The following ENOX1 variants were observed in gnomAD, a reference collection of about 807,000 sequenced individuals.
ENOX1 encodes the protein candidate growth-related and time keeping constitutive hydroquinone (NADH) oxidase.
Under a neutral mutation model 82.5 loss-of-function variants are expected in ENOX1, and 42 were observed. The observed-to-expected ratio is 0.51, with a 90% CI of 0.40 to 0.66. The LOEUF is 0.66. Ranked by LOEUF, ENOX1 falls within the 30% of genes least tolerant of loss-of-function variation. The pLI is 0.00. For synonymous variants in ENOX1, 271 were observed against 282.2 expected, an observed-to-expected ratio of 0.96 and a Z score of 0.40; for missense variants, 608 against 811.6, an observed-to-expected ratio of 0.75 and a Z score of 3.05.
intron 5 of ENOX1, among the ~76,000 whole-genome samples, chr13:43,409,350 C>T (rs1429780490): frequency 6.6e-6 from 1 of 151,996 alleles, no homozygotes; most frequent in African/African-American, 2.4e-5. Flanking sequence ...ATAATTCTAA[C>T]AGCTAAAAAG....
At chr13:43,426,397 T>C (rs1306112724) in intron 3 of ENOX1, among the ~76,000 whole-genome samples, 1 of 152,220 alleles carries the variant, frequency 6.6e-6, no homozygotes. Context: ...TATATTGCTA[T>C]TGCTACGATG....
At chr13:43,335,930 G>A (rs538414233) in intron 9 of ENOX1, among the ~76,000 whole-genome samples, 16 of 152,246 alleles carry the variant, frequency 1.1e-4, no homozygotes, top group African/African-American at 3.9e-4. Flanking sequence ...TTTATTCCCT[G>A]AGACCAAAGA....
At chr13:43,302,626 C>G (rs1437050402) in intron 11 of ENOX1, among the ~76,000 whole-genome samples, 1 of 152,164 alleles carries the variant, frequency 6.6e-6, no homozygotes, top group Non-Finnish European at 1.5e-5. Context: ...AACGGCACTG[C>G]TGAAGAAAAG....
chr13:43,616,260 T>C (rs1253860102), intron 2 of ENOX1, among the ~76,000 whole-genome samples: 2 of 134,186 alleles, frequency 1.5e-5, no homozygotes, highest in Non-Finnish European at 3.2e-5. Flanking sequence ...TGGAGTGCAG[T>C]GGTGTGATCT....
chr13:43,597,352 G>T (rs1054886757), intron 2 of ENOX1, among the ~76,000 whole-genome samples: 1 of 152,168 alleles, frequency 6.6e-6, no homozygotes, highest in Non-Finnish European at 1.5e-5. Flanking sequence ...GCCACTGACA[G>T]GTGGGAATGG....
chr13:43,525,934 C>T (rs2077971152), intron 2 of ENOX1, among the ~76,000 whole-genome samples: 1 of 152,012 alleles, frequency 6.6e-6, no homozygotes, highest in Admixed American at 6.6e-5. Context: ...AGTGGGGTTA[C>T]TAAATAATTT....
At chr13:43,584,455 C>T (rs1214640394) in intron 2 of ENOX1, among the ~76,000 whole-genome samples, 3 of 152,174 alleles carry the variant, frequency 2.0e-5, no homozygotes, top group Admixed American at 1.3e-4. Flanking sequence ...GCAGGGTGAA[C>T]AGTCCTATCA....
chr13:43,557,287 GA>G (rs1404833342), intron 2 of ENOX1, among the ~76,000 whole-genome samples: 1 of 152,206 alleles, frequency 6.6e-6, no homozygotes, highest in African/African-American at 2.4e-5. Context: ...TGTATGGCCA[GA>G]AGGTGGTAGG....
chr13:43,652,794 T>C (rs1056013801), intron 2 of ENOX1, among the ~76,000 whole-genome samples: 33 of 152,158 alleles, frequency 2.2e-4, no homozygotes, highest in African/African-American at 7.5e-4. Context: ...GTAAGCAAGC[T>C]GAGTAGCCGG....
intron 9 of ENOX1, among the ~76,000 whole-genome samples, chr13:43,338,964 CGTGAGCCACCGTGCCCGGCCTCGGGT>C (rs1044087959): frequency 6.6e-6 from 1 of 152,156 alleles, no homozygotes; most frequent in Non-Finnish European, 1.5e-5. Flanking sequence ...GGATTACAGG[CGTGAGCCACCGTGCCCGGCCTCGGGT>C]TGGGTTTAAT....
intron 14 of ENOX1, among the ~76,000 whole-genome samples, chr13:43,245,514 AT>A (rs1430124354): frequency 1.3e-5 from 2 of 152,208 alleles, no homozygotes; most frequent in African/African-American, 2.4e-5. Flanking sequence ...AAGCTTTAGA[AT>A]TTTTTATGGT....
chr13:43,591,683 T>C (rs1290004743), intron 2 of ENOX1, among the ~76,000 whole-genome samples: 1 of 151,802 alleles, frequency 6.6e-6, no homozygotes, highest in East Asian at 1.9e-4. Context: ...GTATTAAAAT[T>C]CTAAAAAGAG....
intron 2 of ENOX1, among the ~76,000 whole-genome samples, chr13:43,561,428 T>C (rs1212475450): frequency 6.6e-6 from 1 of 152,138 alleles, no homozygotes; most frequent in Non-Finnish European, 1.5e-5. Flanking sequence ...AGATTCCTAA[T>C]ACATATGATG....
At chr13:43,621,183 T>C (rs967651044) in intron 2 of ENOX1, among the ~76,000 whole-genome samples, 1 of 152,220 alleles carries the variant, frequency 6.6e-6, no homozygotes, top group African/African-American at 2.4e-5. Flanking sequence ...TGGTGAGTTC[T>C]TATCCATTCT....
chr13:43,633,740 T>C (rs942059712), intron 2 of ENOX1, among the ~76,000 whole-genome samples: 1 of 151,834 alleles, frequency 6.6e-6, no homozygotes, highest in African/African-American at 2.4e-5. Context: ...AGTGTATATA[T>C]GTATACATAT....
intron 5 of ENOX1, among the ~76,000 whole-genome samples, chr13:43,410,793 T>C (rs930771824): frequency 6.6e-6 from 1 of 152,046 alleles, no homozygotes; most frequent in Admixed American, 6.5e-5. Context: ...CCAAATGCGA[T>C]TGGTTTCTAT....
intron 2 of ENOX1, among the ~76,000 whole-genome samples, chr13:43,616,945 C>T (rs369198106): frequency 6.9e-6 from 1 of 145,564 alleles, no homozygotes; most frequent in Non-Finnish European, 1.5e-5. Context: ...CACACATATA[C>T]ATACATACAC....
chr13:43,774,918 C>T (rs1332549421), intron 1 of ENOX1, among the ~76,000 whole-genome samples: 1 of 152,028 alleles, frequency 6.6e-6, no homozygotes, highest in Non-Finnish European at 1.5e-5. Context: ...GGCGTGATCT[C>T]GGCTCCCTGC....
chr13:43,720,496 G>A (rs2088493937), intron 1 of ENOX1, among the ~76,000 whole-genome samples: 1 of 152,152 alleles, frequency 6.6e-6, no homozygotes, highest in Admixed American at 6.5e-5. Context: ...CATTTGCTTT[G>A]AATTGGACTT....
Sources: gnomAD v4.1 joint callset for allele counts (sites outside exome capture counted in the v4.1 genomes callset) on GRCh38, gnomAD v4.1.1 for gene constraint, MANE v1.5 for transcripts, NCBI Gene and HGNC (gene_info 2026-07-23, HGNC 2026-07-21) for gene names.